RASGRF2: variants seen among roughly 807,000 people sequenced by gnomAD.
RASGRF2 encodes the protein ras-specific guanine nucleotide-releasing factor 2.
Under a neutral mutation model 151.0 loss-of-function variants are expected in RASGRF2, and 76 were observed. The observed-to-expected ratio is 0.50, with a 90% CI of 0.42 to 0.61. The LOEUF is 0.61. Among genes scored for constraint, RASGRF2 ranks in the 20% least tolerant of loss-of-function variants. RASGRF2 has a pLI of 0.00. For missense variants in RASGRF2, 1,148 were observed against 1,564.6 expected (o/e 0.73, Z 4.49); for synonymous variants, 504 against 566.5 (o/e 0.89, Z 1.57).
At chr5:81,158,676 C>T (rs971047220) in intron 17 of RASGRF2, among the ~76,000 whole-genome samples, 1 of 151,866 alleles carries the variant, frequency 6.6e-6, no homozygotes, top group Non-Finnish European at 1.5e-5. Context: ...TCAAAGAAGA[C>T]AAATGAAACA....
intron 22 of RASGRF2, 52 bp downstream of exon 22, chr5:81,208,490 T>C: frequency 7.3e-7 from 1 of 1,377,858 alleles, no homozygotes. Context: ...AGATGGATAT[T>C]GGGGTCTAAA....
At chr5:81,157,827 C>T (rs186700613) in intron 17 of RASGRF2, among the ~76,000 whole-genome samples, 28 of 152,270 alleles carry the variant, frequency 1.8e-4, no homozygotes, top group Non-Finnish European at 3.1e-4. Flanking sequence ...GGAAAACCGC[C>T]CCTGTGATTC....
At chr5:81,175,742 C>A (rs1167965356) in intron 17 of RASGRF2, among the ~76,000 whole-genome samples, 3 of 120,952 alleles carry the variant, frequency 2.5e-5, no homozygotes, top group African/African-American at 6.5e-5. Flanking sequence ...GCAACTAGAG[C>A]GAAACTCCGT....
intron 9 of RASGRF2, among the ~76,000 whole-genome samples, chr5:81,091,880 C>T (rs925552853): frequency 1.8e-4 from 27 of 152,126 alleles, no homozygotes; most frequent in Admixed American, 1.1e-3. Flanking sequence ...TAATATGAGC[C>T]TGCAGAAGGC....
chr5:81,123,625 A>C lies in RASGRF2; in HGVS notation c.2471-17A>C. 2.5e-6 allele frequency: 4 copies of C among 1,604,386 alleles called. No individual in the cohort carries two copies. Among genetic ancestry groups the C allele is most frequent in the Non-Finnish European group, 3.4e-6 (4 of 1,176,078 alleles). ...ATTCATGGCCTGGTTGTTAAAATTCATGATGTTTTCAAGCAGCAGTCCTAG... is the reference window on the plus strand; with the variant it reads ...ATTCATGGCCTGGTTGTTAAAATTCCTGATGTTTTCAAGCAGCAGTCCTAG... On this transcript the variant is annotated splice_polypyrimidine_tract_variant and intron_variant, in intron 15 of 26. Coordinates refer to ENST00000265080, the MANE Select transcript of RASGRF2 (RefSeq NM_006909.3).
At chr5:81,042,015 ATTC>A (rs1183846649) in intron 1 of RASGRF2, among the ~76,000 whole-genome samples, 5 of 152,128 alleles carry the variant, frequency 3.3e-5, no homozygotes, top group African/African-American at 7.2e-5. Flanking sequence ...TTTATCAAGA[ATTC>A]TTCTTTTTTT....
chr5:81,202,519 C>G (rs1755420425), intron 19 of RASGRF2, among the ~76,000 whole-genome samples: 1 of 152,198 alleles, frequency 6.6e-6, no homozygotes, highest in Non-Finnish European at 1.5e-5. Flanking sequence ...CCCCCATTAG[C>G]TGAAGATCCC....
At position 81,112,640 on chromosome 5, in the gene RASGRF2, T is replaced by C. The variant is rs1421040510; in HGVS notation, c.1869T>C (p.Thr623=). 1 of 1,614,100 alleles carries C rather than the reference T, an allele frequency of 6.2e-7. No homozygotes were observed. The highest frequency in any genetic ancestry group is 8.5e-7 in the Non-Finnish European group (1 of 1,180,038). ...ATGCCCGTCTTCATAAAGACGACAC[T>C]GACATTTGCTTCAGTAAAACACTCA... The part of the protein sequence containing the change: ...KSDARLHKDD[T]DICFSKTLNS... Residue 623 remains threonine, a synonymous_variant, in exon 14 of 27, where the codon ACT becomes ACC. Transcript: ENST00000265080.
rs1752242876 is a variant in RASGRF2 at position 81,086,845 on chromosome 5, G to A, written c.1282G>A (p.Asp428Asn). The A allele has an allele frequency of 1.2e-6, 2 of 1,612,960 alleles. No individual in the cohort carries two copies. The highest frequency in any genetic ancestry group is 1.3e-5 in the African/African-American group (1 of 75,022). The part of the protein sequence containing the change: ...KLEELSRVMH[D>N]EVSDTENIRK... ...TGTGTTGTGTCACAGAGTAATGCAC[G>A]ATGAAGTCAGCGACACTGAAAACAT... The change falls in exon 9 of 27, where the codon GAT becomes AAT. Residue 428 changes from aspartate (D) to asparagine (N), a missense_variant. Asp to Asn is a conservative substitution (Grantham distance 23). Around this residue, in one of 5 missense-constraint regions of RASGRF2, gnomAD observed 176 missense variants for 309.6 expected, o/e 0.57. Coordinates refer to ENST00000265080, the MANE Select transcript of RASGRF2 (RefSeq NM_006909.3).
chr5:81,051,243 T>C (rs910488941), intron 2 of RASGRF2, among the ~76,000 whole-genome samples: 1 of 152,218 alleles, frequency 6.6e-6, no homozygotes, highest in Non-Finnish European at 1.5e-5. Flanking sequence ...TTTTTGACAT[T>C]AGAGTTTTTG....
intron 1 of RASGRF2, among the ~76,000 whole-genome samples, chr5:81,000,918 T>A (rs186879167): frequency 1.6e-4 from 25 of 152,340 alleles, no homozygotes; most frequent in Non-Finnish European, 7.4e-5. Flanking sequence ...GACATGTTCT[T>A]AAAAAATAAG....
rs547452568 is a variant in RASGRF2, at chr5:81,061,748, C to T, written c.396-6284C>T. Among the ~76,000 whole-genome samples, 23 of 152,020 alleles carry T rather than the reference C, an allele frequency of 1.5e-4. 1 individual carries two copies. In the South Asian group the frequency reaches 4.6e-3, roughly 30 times the overall value. ...TGTCACCCAACCTGGAGTGCAGTGG[C>T]ATGAATACCATCATTGCAGCCTTGA... On this transcript the variant is annotated intron_variant, in intron 2 of 26. Coordinates refer to ENST00000265080, the MANE Select transcript of RASGRF2 (RefSeq NM_006909.3).
In RASGRF2 at chr5:81,208,384, G is replaced by A. The variant is rs779364237; in HGVS notation, c.3102G>A (p.Leu1034=). The change falls in exon 22 of 27, where the codon CTG becomes CTA. Residue 1034 remains leucine, a synonymous_variant. Coordinates refer to ENST00000265080, the MANE Select transcript of RASGRF2 (RefSeq NM_006909.3). ...TTCTTGGGCAGGGGTGGATGAAGCTGGATAAAAACGAAAGAACTCCTTACA... is the reference window on the plus strand; with the variant it reads ...TTCTTGGGCAGGGGTGGATGAAGCTAGATAAAAACGAAAGAACTCCTTACA... ...EEFLGQGWMK[L]DKNERTPYIM... The A allele has an allele frequency of 6.2e-7, 1 of 1,613,708 alleles. No homozygotes were observed. The highest frequency in any genetic ancestry group is 1.3e-5 in the African/African-American group (1 of 74,824).
At chr5:81,003,098 C>G (rs959257473) in intron 1 of RASGRF2, among the ~76,000 whole-genome samples, 1 of 152,060 alleles carries the variant, frequency 6.6e-6, no homozygotes, top group African/African-American at 2.4e-5. Flanking sequence ...GCTCTGTTGC[C>G]TAGGCTAGAG....
At chr5:81,063,126 T>C (rs1462257814) in intron 2 of RASGRF2, among the ~76,000 whole-genome samples, 1 of 152,216 alleles carries the variant, frequency 6.6e-6, no homozygotes, top group Non-Finnish European at 1.5e-5. Context: ...TTCTCTATCC[T>C]TAGAATTCTG....
At chr5:81,043,686 G>A (rs1352365293) in intron 2 of RASGRF2, among the ~76,000 whole-genome samples, 1 of 151,958 alleles carries the variant, frequency 6.6e-6, no homozygotes, top group African/African-American at 2.4e-5. Flanking sequence ...CTTGCTTTTT[G>A]CCTGTCCACT....
chr5:81,210,287 T>C (rs1755602192), intron 22 of RASGRF2: 1 of 152,236 alleles, frequency 6.6e-6, no homozygotes, highest in Non-Finnish European at 1.5e-5. Context: ...GCAGCTCTCT[T>C]ACGCTGTCTC....
intron 2 of RASGRF2, among the ~76,000 whole-genome samples, chr5:81,055,463 T>A (rs1195773314): frequency 6.6e-6 from 1 of 152,188 alleles, no homozygotes; most frequent in Non-Finnish European, 1.5e-5. Context: ...CAGCCTTGCA[T>A]CCCAGGGATG....
chr5:81,022,298 C>T (rs755570489), intron 1 of RASGRF2, among the ~76,000 whole-genome samples: 9 of 152,130 alleles, frequency 5.9e-5, no homozygotes, highest in Admixed American at 3.3e-4. Context: ...CACTTCCCTC[C>T]GCAGTCATCC....
Sources: gnomAD v4.1 joint callset for allele counts (sites outside exome capture counted in the v4.1 genomes callset) on GRCh38, gnomAD v4.1.1 for gene constraint, gnomAD v4.1.1 regional missense constraint, MANE v1.5 for transcripts, NCBI Gene and HGNC (gene_info 2026-07-23, HGNC 2026-07-21) for gene names.